ALS2: variants seen among roughly 807,000 people sequenced by gnomAD.
ALS2 encodes alsin Rho guanine nucleotide exchange factor ALS2, also known as alsin.
ALS2 carries 117 observed loss-of-function variants against 203.4 expected under a neutral mutation model. The observed-to-expected ratio is 0.58, with a 90% CI of 0.50 to 0.67. The LOEUF (loss-of-function observed/expected upper bound fraction) is 0.67, where lower values mean the gene tolerates loss of function less well. Ranked by LOEUF, ALS2 falls within the 30% of genes least tolerant of loss-of-function variation. ALS2 has a pLI of 0.00. For synonymous variants in ALS2, 718 were observed against 725.9 expected (o/e 0.99, Z 0.17); for missense variants, 1,715 against 1,989.4 (o/e 0.86, Z 2.62).
chr2:201,739,657 C>T (rs1170186377), intron 11 of ALS2, among the ~76,000 whole-genome samples: 1 of 151,442 alleles, frequency 6.6e-6, no homozygotes, highest in East Asian at 1.9e-4. Flanking sequence ...GCAGAAGAAT[C>T]GCTTGAACTT....
At chr2:201,742,581 C>A (rs1431862154) in intron 10 of ALS2, among the ~76,000 whole-genome samples, 10 of 152,196 alleles carry the variant, frequency 6.6e-5, no homozygotes, top group African/African-American at 2.2e-4. Context: ...GCTTAGATTG[C>A]TTCCTTTCTC....
At chr2:201,745,776 C>T (rs1168669051) in intron 9 of ALS2, among the ~76,000 whole-genome samples, 1 of 152,002 alleles carries the variant, frequency 6.6e-6, no homozygotes, top group African/African-American at 2.4e-5. Context: ...TGGTGAAACC[C>T]CGTCTCTACT....
intron 1 of ALS2, among the ~76,000 whole-genome samples, chr2:201,772,854 T>TA: frequency 9.9e-6 from 1 of 101,264 alleles, no homozygotes; most frequent in East Asian, 2.1e-4. Context: ...TTCATGATTT[T>TA]TTTTTTTTTT....
intron 25 of ALS2, among the ~76,000 whole-genome samples, chr2:201,712,191 T>G (rs1411003820): frequency 6.6e-6 from 1 of 152,216 alleles, no homozygotes; most frequent in African/African-American, 2.4e-5. Context: ...TTGGAGATAC[T>G]CAATTAGATA....
At chr2:201,747,254 G>A (rs1008382063) in intron 8 of ALS2, among the ~76,000 whole-genome samples, 14 of 152,132 alleles carry the variant, frequency 9.2e-5, no homozygotes, top group South Asian at 2.1e-4. Flanking sequence ...CCAGTCCTAC[G>A]TGACTTTACT....
chr2:201,731,981 AC>A (rs1691586820), intron 13 of ALS2, among the ~76,000 whole-genome samples: 1 of 152,190 alleles, frequency 6.6e-6, no homozygotes, highest in Non-Finnish European at 1.5e-5. Context: ...ATCCAGGGAA[AC>A]TGAACTCTGA....
rs558314501 is a variant in ALS2 at position 201,756,377 on chromosome 2, A to G, written c.1471+1025T>C. On this transcript the variant is annotated intron_variant, in intron 5 of 33. Transcript: ENST00000264276. The stretch of plus-strand genomic sequence containing the variant: ...TTTGTGTAGAGGAAAATCTGGTGGT[A>G]ATGAGAATTAAGAGTGGCACAAGAG... Among the ~76,000 whole-genome samples, 57 of 152,086 alleles carry G rather than the reference A, an allele frequency of 3.7e-4. No individual in the cohort carries two copies. The South Asian group carries it at 0.012, about 32-fold the overall frequency.
intron 23 of ALS2, among the ~76,000 whole-genome samples, chr2:201,718,829 T>C (rs1468800665): frequency 6.6e-6 from 1 of 152,138 alleles, no homozygotes; most frequent in African/African-American, 2.4e-5. Flanking sequence ...AGGGAAACTT[T>C]TAGCTGTTAA....
intron 4 of ALS2, 107 bp from the exon 5 acceptor site, chr2:201,757,866 T>A (rs1693494696): frequency 5.8e-6 from 5 of 857,108 alleles, no homozygotes; most frequent in Non-Finnish European, 8.9e-6. Context: ...TGTAAGAATC[T>A]AAAACGACAG....
Position 201,757,427 on chromosome 2 carries a change from G to A in ALS2, c.1446C>T (p.Leu482=), listed in dbSNP as rs765154810. Residue 482 remains leucine, a synonymous_variant, in exon 5 of 34, where the codon CTC becomes CTT. Coordinates refer to ENST00000264276, the MANE Select transcript of ALS2 (RefSeq NM_020919.4). ...CTTGTGACAACAATCCAGGGAGGGA[G>A]AGTCTTCGACTGCCTCCCTCTGTTT... ...EEETEGGSRR[L]SLPGLLSQVS... is the part of the protein sequence containing the mutation. The A allele has an allele frequency of 6.2e-7, 1 of 1,614,060 alleles. No homozygotes were observed. Among genetic ancestry groups the A allele is most frequent in the Non-Finnish European group, 8.5e-7 (1 of 1,179,928 alleles).
chr2:201,753,101 C>T (rs1033992659), intron 7 of ALS2, 45 bp downstream of exon 7: 1 of 1,460,340 alleles, frequency 6.8e-7, no homozygotes, highest in African/African-American at 1.4e-5. Context: ...GTCATGTTGG[C>T]CTTCCATGAA....
intron 33 of ALS2, among the ~76,000 whole-genome samples, chr2:201,702,497 A>C (rs1407945143): frequency 6.6e-6 from 1 of 152,178 alleles, no homozygotes; most frequent in Non-Finnish European, 1.5e-5. Context: ...TATCTATGTT[A>C]GTAACAATTG....
chr2:201,704,285 T>C, intron 32 of ALS2, 67 bp from the exon 33 acceptor site: 1 of 1,528,822 alleles, frequency 6.5e-7, no homozygotes. Flanking sequence ...TTGAATCTAG[T>C]TGATGGGAAA....
intron 9 of ALS2, among the ~76,000 whole-genome samples, chr2:201,745,952 A>G (rs1373986937): frequency 2.6e-5 from 4 of 152,196 alleles, no homozygotes; most frequent in Non-Finnish European, 5.9e-5. Flanking sequence ...CAGTCTCAAA[A>G]AAATAAATTA....
chr2:201,713,659 T>C (rs1220971692), intron 25 of ALS2, among the ~76,000 whole-genome samples: 1 of 152,240 alleles, frequency 6.6e-6, no homozygotes, highest in African/African-American at 2.4e-5. Context: ...AATTTTGATT[T>C]GGCTCTTCTT....
At chr2:201,731,078 A>T (rs928335168) in intron 13 of ALS2, among the ~76,000 whole-genome samples, 6 of 152,238 alleles carry the variant, frequency 3.9e-5, no homozygotes, top group African/African-American at 1.2e-4. Context: ...TACACCATGT[A>T]GCGAGGGAGC....
intron 3 of ALS2, among the ~76,000 whole-genome samples, chr2:201,763,923 A>AT (rs993696105): frequency 6.6e-6 from 1 of 152,128 alleles, no homozygotes; most frequent in East Asian, 1.9e-4. Context: ...GAGATTTATG[A>AT]TTTTTTTTAA....
At position 201,706,892 on chromosome 2, in the gene ALS2, T is replaced by C; in HGVS notation, c.4534A>G (p.Asn1512Asp). ...AGGAGAGCAATATCTGGCTGCTTATTTAGTCGAAGGACACATTCCCAGTAA... is the reference window on the plus strand; with the variant it reads ...AGGAGAGCAATATCTGGCTGCTTATCTAGTCGAAGGACACATTCCCAGTAA... ...DIYWECVLRL[N>D]KQPDIALLGF... The change falls in exon 29 of 34, where the codon AAT becomes GAT. Residue 1512 changes from asparagine to aspartate, a missense_variant. Asn to Asp is a conservative substitution (Grantham distance 23). This residue lies in a region of ALS2 where 1,227 missense variants were observed against 1,413.5 expected (regional missense o/e 0.87). Coordinates refer to ENST00000264276, the MANE Select transcript of ALS2 (RefSeq NM_020919.4). The C allele has an allele frequency of 6.2e-7, 1 of 1,614,090 alleles. No homozygotes were observed. The highest frequency in any genetic ancestry group is 8.5e-7 in the Non-Finnish European group (1 of 1,179,986).
intron 14 of ALS2, 21 bp from the exon 15 acceptor site, chr2:201,728,661 A>G: frequency 1.9e-6 from 3 of 1,609,514 alleles, no homozygotes; most frequent in Middle Eastern, 1.7e-4. Flanking sequence ...AGACAAATAT[A>G]ATACAAGTCA....
Sources: allele counts gnomAD v4.1 joint callset (sites outside exome capture counted in the v4.1 genomes callset), GRCh38; gene constraint gnomAD v4.1.1; regional missense constraint gnomAD v4.1.1; transcripts MANE v1.5; gene names NCBI Gene and HGNC (gene_info 2026-07-23, HGNC 2026-07-21).